The following SEC23A variants were observed in gnomAD, a reference collection of about 807,000 sequenced individuals.
SEC23A encodes SEC23 homolog A, COPII component, also known as protein transport protein Sec23A.
A neutral mutation model predicts 103.7 loss-of-function variants in SEC23A; 56 were observed. That is an observed-to-expected ratio of 0.54 (90% confidence interval 0.44 to 0.67). The LOEUF is 0.67. Ranked by LOEUF, SEC23A falls within the 30% of genes least tolerant of loss-of-function variation. The pLI is 0.00. For synonymous variants in SEC23A, 281 were observed against 293.0 expected, an observed-to-expected ratio of 0.96 and a Z score of 0.42; for missense variants, 784 against 936.4, an observed-to-expected ratio of 0.84 and a Z score of 2.12.
At chr14:39,092,445 A>C in intron 4 of SEC23A, 96 bp downstream of exon 4, 1 of 780,046 alleles carries the variant, frequency 1.3e-6, no homozygotes, top group African/African-American at 1.7e-5. Flanking sequence ...AATCAATGTG[A>C]GAATTAAGCA....
intron 19 of SEC23A, 34 bp from the exon 20 acceptor site, chr14:39,033,362 C>G: frequency 1.5e-6 from 2 of 1,363,646 alleles, no homozygotes; most frequent in Non-Finnish European, 2.1e-6. Flanking sequence ...ATGATTAAAG[C>G]ATAGGGTGAT....
At chr14:39,094,442 ATTTTT>A (rs55763808) in intron 2 of SEC23A, among the ~76,000 whole-genome samples, 14 of 9,648 alleles carry the variant, frequency 1.5e-3, no homozygotes, top group African/African-American at 5.1e-3. Flanking sequence ...ATATATATAT[ATTTTT>A]TTTTTTTTTT....
At chr14:39,066,088 A>G (rs1449455118) in intron 10 of SEC23A, among the ~76,000 whole-genome samples, 1 of 148,538 alleles carries the variant, frequency 6.7e-6, no homozygotes, top group Non-Finnish European at 1.5e-5. Context: ...ATATATGTTC[A>G]TTTTTCTTCT....
At chr14:39,082,363 T>C (rs1266942284) in intron 7 of SEC23A, among the ~76,000 whole-genome samples, 1 of 151,996 alleles carries the variant, frequency 6.6e-6, no homozygotes, top group Non-Finnish European at 1.5e-5. Context: ...AAAGCCACTA[T>C]TTGGCATGCA....
intron 1 of SEC23A, among the ~76,000 whole-genome samples, chr14:39,099,939 T>C (rs1321147030): frequency 6.6e-6 from 1 of 152,084 alleles, no homozygotes; most frequent in Non-Finnish European, 1.5e-5. Flanking sequence ...CTTAGGACCA[T>C]TAGGAAACCT....
chr14:39,079,600 A>G (rs1375479330), intron 7 of SEC23A, among the ~76,000 whole-genome samples: 1 of 152,110 alleles, frequency 6.6e-6, no homozygotes, highest in East Asian at 1.9e-4. Flanking sequence ...TGGGCGGATC[A>G]CCTGAGGTCA....
chr14:39,041,972 A>G (rs1241013927), intron 17 of SEC23A, among the ~76,000 whole-genome samples: 2 of 151,998 alleles, frequency 1.3e-5, no homozygotes, highest in African/African-American at 4.8e-5. Flanking sequence ...TTTTTTGTAG[A>G]GACAGGGTCT....
At chr14:39,071,282 CA>C (rs143673205) in intron 9 of SEC23A, among the ~76,000 whole-genome samples, 20,307 of 152,158 alleles carry the variant, frequency 0.13, 1,422 homozygotes, top group Middle Eastern at 0.18. Context: ...CACAAGGTTG[CA>C]GGGGGTAAAA....
intron 15 of SEC23A, among the ~76,000 whole-genome samples, chr14:39,046,156 C>A (rs772308426): frequency 2.0e-5 from 3 of 151,992 alleles, no homozygotes; most frequent in Non-Finnish European, 4.4e-5. Flanking sequence ...CCTCCCCAGC[C>A]ATGTGAAACT....
intron 13 of SEC23A, among the ~76,000 whole-genome samples, chr14:39,060,879 T>C (rs1219704444): frequency 6.6e-6 from 1 of 152,154 alleles, no homozygotes; most frequent in East Asian, 1.9e-4. Context: ...CCTGCCTATA[T>C]CAATAAATTA....
chr14:39,038,869 T>C (rs1885542087), intron 19 of SEC23A, among the ~76,000 whole-genome samples, 162 bp downstream of exon 19: 1 of 152,248 alleles, frequency 6.6e-6, no homozygotes, highest in Non-Finnish European at 1.5e-5. Context: ...TTTTGTCCTA[T>C]GGTGTCGCCA....
chr14:39,066,490 TA>T lies in SEC23A; in HGVS notation c.1227+682del, dbSNP rs1555328382. ...AAAACAGTTTCCTCTTTTTTTTTTT[TA>T]AAAAAAACAGTTTCCTCTTAAGTTA... On this transcript the variant is annotated intron_variant, in intron 10 of 19. Transcript: ENST00000307712. Among the ~76,000 whole-genome samples, 1,287 of 149,380 alleles carry T rather than the reference TA, an allele frequency of 8.6e-3. 20 individuals are homozygous for T. Among genetic ancestry groups the T allele is most frequent in the African/African-American group, 0.029 (1,157 of 40,564 alleles).
At chr14:39,083,689 A>G (rs987030483) in intron 7 of SEC23A, among the ~76,000 whole-genome samples, 32 of 147,418 alleles carry the variant, frequency 2.2e-4, no homozygotes, top group Admixed American at 2.8e-4. Context: ...CAGCCTCCCA[A>G]GTAGCTGGGA....
intron 12 of SEC23A, among the ~76,000 whole-genome samples, chr14:39,062,427 T>G (rs1323050644): frequency 1.3e-5 from 2 of 152,164 alleles, no homozygotes; most frequent in Non-Finnish European, 2.9e-5. Flanking sequence ...AGATCTGAGA[T>G]GTTCAACTTG....
At chr14:39,051,243 T>G (rs1331980262) in intron 14 of SEC23A, among the ~76,000 whole-genome samples, 1 of 152,194 alleles carries the variant, frequency 6.6e-6, no homozygotes, top group Non-Finnish European at 1.5e-5. Flanking sequence ...TTGGAGACAG[T>G]GTGCATTACA....
At chr14:39,061,665 C>T (rs1391594458) in intron 13 of SEC23A, 100 bp downstream of exon 13, 1 of 800,170 alleles carries the variant, frequency 1.2e-6, no homozygotes, top group African/African-American at 1.7e-5. Flanking sequence ...CAAATATTCA[C>T]TTGCTAGTCA....
In SEC23A at chr14:39,045,317, A is replaced by C; in HGVS notation, c.1745T>G (p.Phe582Cys). Residue 582 changes from phenylalanine to cysteine, a missense_variant, in exon 16 of 20, where the codon TTT becomes TGT. Coordinates refer to ENST00000307712, the MANE Select transcript of SEC23A (RefSeq NM_006364.4). ...CAGGAAAGAAGATCTTCTTAAATGAAACATAAACTGTAAGATAAACACGTA... is the reference window on the plus strand; with the variant it reads ...CAGGAAAGAAGATCTTCTTAAATGACACATAAACTGTAAGATAAACACGTA... ...ETFSLYPQFM[F>C]HLRRSSFLQV... 2.5e-6 allele frequency: 4 copies of C among 1,605,966 alleles called. No individual in the cohort carries two copies. Among genetic ancestry groups the C allele is most frequent in the Non-Finnish European group, 3.4e-6 (4 of 1,172,930 alleles).
rs373725674 is a variant in SEC23A at position 39,085,750 on chromosome 14, C to G, written c.828+12G>C. 7.0e-6 allele frequency: 11 copies of G among 1,577,386 alleles called. No individual in the cohort carries two copies. In the African/African-American group the frequency reaches 1.3e-4, roughly 18 times the overall value. On this transcript the variant is annotated intron_variant, in intron 7 of 19. Coordinates refer to ENST00000307712, the MANE Select transcript of SEC23A (RefSeq NM_006364.4). ...CACACTTTACATTCCAAAACAAAAC[C>G]ATCTTCCCTACCTCCAGCAGTCCTA...
chr14:39,057,322 T>C, intron 13 of SEC23A, among the ~76,000 whole-genome samples: 1 of 150,602 alleles, frequency 6.6e-6, no homozygotes, highest in African/African-American at 2.5e-5. Context: ...AAAAAAAACT[T>C]TAAAGTCATA....
Sources: gnomAD v4.1 joint callset for allele counts (sites outside exome capture counted in the v4.1 genomes callset) on GRCh38, gnomAD v4.1.1 for gene constraint, MANE v1.5 for transcripts, NCBI Gene and HGNC (gene_info 2026-07-23, HGNC 2026-07-21) for gene names.